The following EPHB2 variants were observed in gnomAD, a reference collection of about 807,000 sequenced individuals.
EPHB2 encodes the protein ephrin type-B receptor 2.
In EPHB2, 18 loss-of-function variants were observed where a neutral mutation model predicts 96.4. The ratio of observed to expected loss-of-function variants is 0.19; its 90% confidence interval spans 0.13 to 0.28. The LOEUF is 0.28. Ranked by LOEUF, EPHB2 falls within the 10% of genes least tolerant of loss-of-function variation. The pLI is 1.00. For synonymous variants in EPHB2, 506 were observed against 534.1 expected (o/e 0.95, Z 0.72); for missense variants, 989 against 1,355.4 (o/e 0.73, Z 4.25).
chr1:22,882,529 G>A, intron 6 of EPHB2, 46 bp downstream of exon 6: 1 of 1,610,558 alleles, frequency 6.2e-7, no homozygotes, highest in African/African-American at 1.3e-5. Flanking sequence ...CTCCCTGAGG[G>A]CCCCTCTCCC....
chr1:22,901,320 G>A (rs1639740166), intron 9 of EPHB2, among the ~76,000 whole-genome samples: 1 of 152,168 alleles, frequency 6.6e-6, no homozygotes, highest in Non-Finnish European at 1.5e-5. Flanking sequence ...GGTGAAAAAA[G>A]TGAGACACAG....
rs182471336 is a variant in EPHB2, at chr1:22,763,538, C to T, written c.62-17883C>T. On this transcript the variant is annotated intron_variant, in intron 1 of 15. Coordinates refer to ENST00000374630, the MANE Select transcript of EPHB2 (RefSeq NM_017449.5). ...CAACTAAAGTGGCCAGGCCCTCCCC[C>T]CCACTTCAAATGCCCTTCAGCAGAG... Among the ~76,000 whole-genome samples, 79 of 152,186 alleles carry T rather than the reference C, an allele frequency of 5.2e-4. No individual in the cohort carries two copies. In the East Asian group the frequency reaches 0.014, roughly 26 times the overall value.
chr1:22,868,689 C>T (rs1175960521), intron 5 of EPHB2, among the ~76,000 whole-genome samples: 5 of 152,156 alleles, frequency 3.3e-5, no homozygotes, highest in South Asian at 2.1e-4. Context: ...ACAAGTCCCA[C>T]GGCCAAGCCC....
chr1:22,752,768 T>TAC (rs150571893), intron 1 of EPHB2, among the ~76,000 whole-genome samples: 2,626 of 151,298 alleles, frequency 0.017, 67 homozygotes, highest in African/African-American at 0.053. Flanking sequence ...TACTTACACG[T>TAC]ACACACACAC....
At chr1:22,804,835 C>G (rs927347326) in intron 3 of EPHB2, among the ~76,000 whole-genome samples, 1 of 151,818 alleles carries the variant, frequency 6.6e-6, no homozygotes, top group African/African-American at 2.4e-5. Flanking sequence ...GTCTCTCCAT[C>G]TCCCCTCCTC....
At chr1:22,873,152 C>G (rs763333096) in intron 5 of EPHB2, among the ~76,000 whole-genome samples, 1 of 152,268 alleles carries the variant, frequency 6.6e-6, no homozygotes, top group Admixed American at 6.5e-5. Context: ...ACAAGAAGCA[C>G]TTAGCTAGCT....
At chr1:22,795,513 G>A (rs530492854) in intron 3 of EPHB2, among the ~76,000 whole-genome samples, 3 of 152,084 alleles carry the variant, frequency 2.0e-5, no homozygotes, top group Non-Finnish European at 4.4e-5. Context: ...TAGCTTGGTG[G>A]GAGAAATGCC....
rs1288876206 is a variant in EPHB2 at position 22,858,071 on chromosome 1, T to C, written c.812-4966T>C. Among the ~76,000 whole-genome samples, 1 of 152,004 alleles carries C rather than the reference T, an allele frequency of 6.6e-6. No individual in the cohort carries two copies. Among genetic ancestry groups the C allele is most frequent in the African/African-American group, 2.4e-5 (1 of 41,388 alleles). On this transcript the variant is annotated intron_variant, in intron 3 of 15. Coordinates refer to ENST00000374630, the MANE Select transcript of EPHB2 (RefSeq NM_017449.5). This position sits in a 1 kb window ranked among gnomAD's most constrained non-coding sequence, Gnocchi z 7.7. The stretch of plus-strand genomic sequence containing the variant: ...AGCCAGGGTGGTCAGGGTGGGCCTC[T>C]CGGAGGAGGTGGCATTTAAGCTGGG...
At chr1:22,879,323 C>T (rs1189608637) in intron 5 of EPHB2, among the ~76,000 whole-genome samples, 1 of 152,200 alleles carries the variant, frequency 6.6e-6, no homozygotes, top group African/African-American at 2.4e-5. Flanking sequence ...GATGAGCCCC[C>T]AGATTGGCCC....
intron 5 of EPHB2, among the ~76,000 whole-genome samples, chr1:22,865,831 C>G (rs1280336273): frequency 1.3e-5 from 2 of 152,342 alleles, no homozygotes; most frequent in East Asian, 3.9e-4. Context: ...CAAGTGCTTT[C>G]TGTGAAGTTC....
chr1:22,857,413 C>A (rs1570394502), intron 3 of EPHB2, among the ~76,000 whole-genome samples: 1 of 151,900 alleles, frequency 6.6e-6, no homozygotes, highest in Admixed American at 6.6e-5. Context: ...ATCCAAGGGG[C>A]CAGGGAGATG....
chr1:22,860,109 T>C lies in EPHB2; in HGVS notation c.812-2928T>C, dbSNP rs909921302. On this transcript the variant is annotated intron_variant, in intron 3 of 15. Transcript: ENST00000374630. The surrounding 1 kb of genome is among the most constrained non-coding windows in gnomAD (Gnocchi z 4.6). ...CATGTGTCAATGCTTCGTTCCTTTT[T>C]ATGGCCGAATAGTATTCCAACGTAT... 6.6e-6 allele frequency among the ~76,000 whole-genome samples: 1 copy of C among 152,226 alleles called. No homozygotes were observed. The highest frequency in any genetic ancestry group is 1.5e-5 in the Non-Finnish European group (1 of 68,040).
At chr1:22,794,185 G>A (rs548570243) in intron 3 of EPHB2, among the ~76,000 whole-genome samples, 1 of 152,298 alleles carries the variant, frequency 6.6e-6, no homozygotes, top group East Asian at 1.9e-4. Context: ...AACCGGCTAA[G>A]GGGCTCATGT....
At chr1:22,881,215 A>G in intron 5 of EPHB2, among the ~76,000 whole-genome samples, 1 of 152,210 alleles carries the variant, frequency 6.6e-6, no homozygotes, top group Non-Finnish European at 1.5e-5. Flanking sequence ...AGCCTGGCCA[A>G]CATGGTGAAA....
In EPHB2 at chr1:22,784,544, G is replaced by T. The variant is rs371651342; in HGVS notation, c.279G>T (p.Ser93=). ...GCATCCACGTGGAGATGAAGTTTTC[G>T]GTGCGTGACTGCAGCAGCATCCCCA... is the stretch of plus-strand genomic sequence containing the variant. The part of the protein sequence containing the change: ...AHRIHVEMKF[S]VRDCSSIPSV... Residue 93 remains serine, a synonymous_variant, in exon 3 of 16, where the codon TCG becomes TCT. Transcript: ENST00000374630. This position sits in a 1 kb window ranked among gnomAD's most constrained non-coding sequence, Gnocchi z 5.1. 6.2e-7 allele frequency: 1 copy of T among 1,613,988 alleles called. No homozygotes were observed.
At chr1:22,804,323 T>TCAAA (rs1644893437) in intron 3 of EPHB2, among the ~76,000 whole-genome samples, 2 of 152,074 alleles carry the variant, frequency 1.3e-5, no homozygotes, top group Admixed American at 1.3e-4. Flanking sequence ...AATCAATCAA[T>TCAAA]TCTTCCTTAC....
intron 9 of EPHB2, among the ~76,000 whole-genome samples, chr1:22,904,063 G>A (rs764939033): frequency 6.6e-6 from 1 of 152,204 alleles, no homozygotes; most frequent in East Asian, 1.9e-4. Context: ...CGAGGCAAGT[G>A]GATCATTTGA....
intron 3 of EPHB2, among the ~76,000 whole-genome samples, chr1:22,859,294 T>TGG (rs1491408362): frequency 9.0e-4 from 10 of 11,160 alleles, no homozygotes; most frequent in Admixed American, 6.2e-3. Flanking sequence ...GGGGTGGGCC[T>TGG]GGTGGGGGGG....
intron 3 of EPHB2, among the ~76,000 whole-genome samples, chr1:22,794,628 T>C (rs1393374361): frequency 2.6e-5 from 4 of 152,098 alleles, no homozygotes; most frequent in Admixed American, 2.6e-4. Flanking sequence ...CCACTGGCCC[T>C]CAGTCACCCT....
Sources: allele counts gnomAD v4.1 joint callset (sites outside exome capture counted in the v4.1 genomes callset), GRCh38; gene constraint gnomAD v4.1.1; non-coding constraint Gnocchi (gnomAD v3.1); transcripts MANE v1.5; gene names NCBI Gene and HGNC (gene_info 2026-07-23, HGNC 2026-07-21).